Variants in ARNT2 observed in about 807,000 individuals in gnomAD.
ARNT2 encodes the protein aryl hydrocarbon receptor nuclear translocator 2.
ARNT2 carries 36 observed loss-of-function variants against 91.7 expected under a neutral mutation model. The ratio of observed to expected loss-of-function variants is 0.39; its 90% CI spans 0.30 to 0.52. The LOEUF is 0.52. ARNT2 is among the 20% of genes least tolerant of loss of function. The pLI, the probability that ARNT2 is intolerant of heterozygous loss-of-function variation, is 0.72. For synonymous variants in ARNT2, 365 were observed against 347.1 expected, an observed-to-expected ratio of 1.05 and a Z score of -0.57; for missense variants, 775 against 939.3, an observed-to-expected ratio of 0.83 and a Z score of 2.29.
intron 15 of ARNT2, 137 bp from the exon 16 acceptor site, chr15:80,580,274 G>A: frequency 8.7e-7 from 1 of 1,151,926 alleles, no homozygotes; most frequent in Admixed American, 1.8e-5. Context: ...CGATGTGTGA[G>A]TCATTTTCTC....
chr15:80,469,023 G>A (rs1896696928), intron 3 of ARNT2, among the ~76,000 whole-genome samples: 1 of 152,214 alleles, frequency 6.6e-6, no homozygotes, highest in Non-Finnish European at 1.5e-5. Context: ...AGGCAGCCCT[G>A]CCTGAGTTGT....
intron 11 of ARNT2, among the ~76,000 whole-genome samples, chr15:80,559,622 AG>A (rs1432370131): frequency 6.6e-6 from 1 of 152,158 alleles, no homozygotes; most frequent in Non-Finnish European, 1.5e-5. Flanking sequence ...TTTGAGTTTG[AG>A]GGGGTGAGAG....
chr15:80,483,437 G>A (rs1358554979), intron 5 of ARNT2, among the ~76,000 whole-genome samples: 1 of 152,224 alleles, frequency 6.6e-6, no homozygotes, highest in African/African-American at 2.4e-5. Context: ...AGGCGACCAG[G>A]CCTTGGTGGG....
Position 80,593,681 on chromosome 15 carries a change from C to T in ARNT2, c.2137C>T (p.Pro713Ser). The change falls in exon 19 of 19, where the codon CCA becomes TCA. Residue 713 changes from proline (P) to serine (S), a missense_variant. Coordinates refer to ENST00000303329, the MANE Select transcript of ARNT2 (RefSeq NM_014862.4). Reference protein sequence around the residue: ...IEDFADLGMFPPFSE With the variant: ...IEDFADLGMFSPFSE ...AGACTTTGCCGACCTGGGCATGTTT[C>T]CACCGTTTTCTGAGTAGCTGCGGCC... 6.2e-7 allele frequency: 1 copy of T among 1,605,036 alleles called. No homozygotes were observed. The highest frequency in any genetic ancestry group is 8.5e-7 in the Non-Finnish European group (1 of 1,174,774).
At chr15:80,469,158 C>T (rs186242600) in intron 3 of ARNT2, among the ~76,000 whole-genome samples, 110 of 152,234 alleles carry the variant, frequency 7.2e-4, no homozygotes, top group Admixed American at 1.5e-3. Context: ...GTCTTAGAGT[C>T]GTTGAACTGA....
intron 1 of ARNT2, among the ~76,000 whole-genome samples, chr15:80,427,969 TC>T (rs1432629006): frequency 2.6e-5 from 4 of 152,350 alleles, no homozygotes; most frequent in Admixed American, 1.3e-4. Flanking sequence ...CACTGTCTTC[TC>T]CAGCGTTCAC....
intron 5 of ARNT2, 66 bp from the exon 6 acceptor site, chr15:80,508,089 CG>C: frequency 6.7e-7 from 1 of 1,503,140 alleles, no homozygotes; most frequent in Non-Finnish European, 9.2e-7. Flanking sequence ...AAGCACTCCC[CG>C]AACTCCCTCC....
chr15:80,514,672 A>G (rs1897403972), intron 8 of ARNT2, among the ~76,000 whole-genome samples: 1 of 152,202 alleles, frequency 6.6e-6, no homozygotes, highest in African/African-American at 2.4e-5. Context: ...GGATCACGAG[A>G]TCAGGAGATG....
At chr15:80,587,298 C>T (rs1159918674) in intron 17 of ARNT2, among the ~76,000 whole-genome samples, 1 of 151,726 alleles carries the variant, frequency 6.6e-6, no homozygotes, top group African/African-American at 2.4e-5. Flanking sequence ...GCTATCTCTT[C>T]CTTATAGGGG....
At chr15:80,426,736 C>T (rs948573272) in intron 1 of ARNT2, among the ~76,000 whole-genome samples, 3 of 152,148 alleles carry the variant, frequency 2.0e-5, no homozygotes, top group African/African-American at 7.2e-5. Context: ...CAGTTGTGTT[C>T]GTCAGCTCAG....
intron 11 of ARNT2, 149 bp downstream of exon 11, chr15:80,555,288 C>A (rs777420334): frequency 3.8e-4 from 272 of 709,200 alleles, no homozygotes; most frequent in Non-Finnish European, 1.1e-4. Context: ...AAGTCACTCA[C>A]AGTCTAGTAG....
Position 80,450,390 on chromosome 15 carries a change from G to A in ARNT2, c.32-490G>A, listed in dbSNP as rs148737111. ...GATACTCAGGGCTTCTGAGTCCAGAGTAGGCGTGGCAACCAGCCTTTCTGC... is the reference window on the plus strand; with the variant it reads ...GATACTCAGGGCTTCTGAGTCCAGAATAGGCGTGGCAACCAGCCTTTCTGC... On this transcript the variant is annotated intron_variant, in intron 1 of 18. Coordinates refer to ENST00000303329, the MANE Select transcript of ARNT2 (RefSeq NM_014862.4). 7.2e-5 allele frequency among the ~76,000 whole-genome samples: 11 copies of A among 152,318 alleles called. No homozygotes were observed. The East Asian group carries it at 2.1e-3, about 29-fold the overall frequency.
chr15:80,447,913 C>A (rs541325556), intron 1 of ARNT2, among the ~76,000 whole-genome samples: 71 of 152,268 alleles, frequency 4.7e-4, no homozygotes, highest in African/African-American at 1.6e-3. Context: ...GCATCCATTC[C>A]TTAAATAAAC....
intron 8 of ARNT2, among the ~76,000 whole-genome samples, chr15:80,516,194 A>T (rs1399077750): frequency 6.6e-6 from 1 of 152,174 alleles, no homozygotes; most frequent in Non-Finnish European, 1.5e-5. Flanking sequence ...TTTAAATGTC[A>T]ATTTGATCAA....
intron 1 of ARNT2, among the ~76,000 whole-genome samples, chr15:80,437,937 A>ACACACACACG (rs1323748944): frequency 6.6e-6 from 1 of 151,536 alleles, no homozygotes; most frequent in Non-Finnish European, 1.5e-5. Flanking sequence ...ACACACACAC[A>ACACACACACG]CACACACACA....
intron 5 of ARNT2, among the ~76,000 whole-genome samples, chr15:80,491,604 G>T (rs1168923696): frequency 6.6e-6 from 1 of 152,102 alleles, no homozygotes; most frequent in Non-Finnish European, 1.5e-5. Flanking sequence ...GTTAGTGCAA[G>T]AAGCAGTCCC....
chr15:80,519,215 A>G (rs1897492883), intron 8 of ARNT2, among the ~76,000 whole-genome samples: 1 of 152,196 alleles, frequency 6.6e-6, no homozygotes, highest in Non-Finnish European at 1.5e-5. Flanking sequence ...TTATTTGCCA[A>G]AGTTGAGGAA....
chr15:80,487,574 G>A (rs1273961078), intron 5 of ARNT2, among the ~76,000 whole-genome samples: 1 of 152,234 alleles, frequency 6.6e-6, no homozygotes, highest in Non-Finnish European at 1.5e-5. Flanking sequence ...CTGACAGCCT[G>A]CAAGGTACGG....
At chr15:80,588,500 T>G (rs1242201100) in intron 17 of ARNT2, among the ~76,000 whole-genome samples, 1 of 152,094 alleles carries the variant, frequency 6.6e-6, no homozygotes, top group African/African-American at 2.4e-5. Flanking sequence ...CTTCAGTGTT[T>G]CTCTGTTGTC....
Sources: allele counts gnomAD v4.1 joint callset (sites outside exome capture counted in the v4.1 genomes callset), GRCh38; gene constraint gnomAD v4.1.1; transcripts MANE v1.5; gene names NCBI Gene and HGNC (gene_info 2026-07-23, HGNC 2026-07-21).